The following TSEN2 variants were observed in gnomAD, a reference collection of about 807,000 sequenced individuals.
TSEN2 encodes tRNA-splicing endonuclease subunit Sen2.
In TSEN2, 54 loss-of-function variants were observed where a neutral mutation model predicts 59.2. The observed-to-expected ratio is 0.91, with a 90% CI of 0.73 to 1.14. TSEN2 has a LOEUF of 1.14. Ranked by LOEUF, TSEN2 falls within the 50% of genes most tolerant of loss-of-function variation. TSEN2 has a pLI of 0.00. For synonymous variants in TSEN2, 195 were observed against 198.2 expected (o/e 0.98, Z 0.14); for missense variants, 636 against 576.2 (o/e 1.10, Z -1.06).
chr3:12,519,264 A>T lies in TSEN2; in HGVS notation c.1099+67A>T, dbSNP rs1618545. ...TATCAGATTCACCCTAGAATATCAA[A>T]TTGATCTTGTGTGCTGTTGATGATG... On this transcript the variant is annotated intron_variant, in intron 8 of 11. Coordinates refer to ENST00000284995, the MANE Select transcript of TSEN2 (RefSeq NM_025265.4). The T allele has an allele frequency of 0.46, 736,807 of 1,590,070 alleles. 179,037 individuals carry two copies. The highest frequency in any genetic ancestry group is 0.61 in the African/African-American group (45,215 of 74,404).
chr3:12,491,887 G>C (rs1023297601), intron 2 of TSEN2, among the ~76,000 whole-genome samples: 1 of 152,154 alleles, frequency 6.6e-6, no homozygotes, highest in Non-Finnish European at 1.5e-5. Flanking sequence ...TATTTACATA[G>C]CATTTGCATT....
chr3:12,480,941 A>G (rs2052185736), upstream of TSEN2, among the ~76,000 whole-genome samples: 2 of 152,126 alleles, frequency 1.3e-5, no homozygotes, highest in African/African-American at 4.8e-5. Context: ...CTTCCTAGCA[A>G]TGACACCATG....
chr3:12,524,739 C>CTTTTTT (rs746602626), intron 8 of TSEN2, among the ~76,000 whole-genome samples: 6 of 131,788 alleles, frequency 4.6e-5, no homozygotes, highest in Admixed American at 8.0e-5. Flanking sequence ...TCTTTGGTCT[C>CTTTTTT]TTTTTTTTTT....
At chr3:12,518,595 G>A (rs1211981256) in intron 7 of TSEN2, among the ~76,000 whole-genome samples, 3 of 152,134 alleles carry the variant, frequency 2.0e-5, no homozygotes, top group Non-Finnish European at 2.9e-5. Flanking sequence ...AGATTTTCTG[G>A]TAACCACATT....
intron 8 of TSEN2, among the ~76,000 whole-genome samples, chr3:12,525,175 G>T (rs2056980127): frequency 6.6e-6 from 1 of 152,148 alleles, no homozygotes; most frequent in African/African-American, 2.4e-5. Context: ...TCAAGCTCGG[G>T]TTCTCTTAGC....
chr3:12,528,263 T>C (rs1157888208), intron 8 of TSEN2, among the ~76,000 whole-genome samples: 1 of 152,198 alleles, frequency 6.6e-6, no homozygotes, highest in Non-Finnish European at 1.5e-5. Flanking sequence ...CTCAGTATGA[T>C]TCACACTCAC....
intron 1 of TSEN2, among the ~76,000 whole-genome samples, chr3:12,485,143 C>A (rs527476643): frequency 3.9e-5 from 6 of 152,162 alleles, no homozygotes; most frequent in Non-Finnish European, 7.3e-5. Flanking sequence ...CCTCCCTAAG[C>A]CCAGGAGGTG....
intron 8 of TSEN2, among the ~76,000 whole-genome samples, chr3:12,523,906 A>C (rs775965127): frequency 1.8e-4 from 27 of 151,954 alleles, no homozygotes; most frequent in Non-Finnish European, 3.7e-4. Context: ...TATTTTTGTT[A>C]ATATTCTTCA....
At chr3:12,493,627 T>C (rs1427764393) in intron 3 of TSEN2, among the ~76,000 whole-genome samples, 1 of 152,116 alleles carries the variant, frequency 6.6e-6, no homozygotes, top group Non-Finnish European at 1.5e-5. Flanking sequence ...CTCAGGAGGC[T>C]GAGGCAGGAG....
chr3:12,513,206 G>T (rs1041339993), intron 6 of TSEN2, among the ~76,000 whole-genome samples: 1 of 152,200 alleles, frequency 6.6e-6, no homozygotes, highest in African/African-American at 2.4e-5. Flanking sequence ...TATGCTTGCT[G>T]ATAATGAAAA....
intron 9 of TSEN2, 43 bp downstream of exon 9, chr3:12,528,967 C>T (rs2057287500): frequency 6.2e-7 from 1 of 1,608,000 alleles, no homozygotes; most frequent in Non-Finnish European, 8.5e-7. Context: ...TAAAGGGACA[C>T]AAGGAATTTC....
chr3:12,530,104 C>G, intron 10 of TSEN2: 2 of 1,411,336 alleles, frequency 1.4e-6, no homozygotes, highest in Non-Finnish European at 9.2e-7. Context: ...CTGCTGAGCT[C>G]CAATGACGGA....
intron 6 of TSEN2, among the ~76,000 whole-genome samples, chr3:12,507,815 A>G (rs549273112): frequency 6.6e-6 from 1 of 152,322 alleles, no homozygotes; most frequent in East Asian, 1.9e-4. Flanking sequence ...TATTAAATGA[A>G]TGAATGTACA....
At chr3:12,500,281 G>A (rs751143483) in intron 4 of TSEN2, among the ~76,000 whole-genome samples, 6 of 152,210 alleles carry the variant, frequency 3.9e-5, no homozygotes, top group Admixed American at 3.3e-4. Flanking sequence ...CCCATGTGTC[G>A]TTGTCTTAGT....
At chr3:12,534,756 A>G (rs573159720), downstream of TSEN2, among the ~76,000 whole-genome samples, 2 of 150,618 alleles carry the variant, frequency 1.3e-5, no homozygotes, top group South Asian at 4.2e-4. Flanking sequence ...GTGAGCCGAG[A>G]TCGCGCCACT....
chr3:12,496,672 G>A, intron 4 of TSEN2, 118 bp downstream of exon 4: 1 of 993,064 alleles, frequency 1.0e-6, no homozygotes, highest in Non-Finnish European at 1.6e-6. Context: ...GTTTTTGGTA[G>A]TAGATGTATC....
At chr3:12,490,580 C>T (rs1487641221) in intron 2 of TSEN2, among the ~76,000 whole-genome samples, 1 of 152,176 alleles carries the variant, frequency 6.6e-6, no homozygotes, top group East Asian at 1.9e-4. Flanking sequence ...TTGCTGTGGG[C>T]ATTTTTAAAA....
chr3:12,526,638 G>A (rs1300607680), intron 8 of TSEN2, among the ~76,000 whole-genome samples: 1 of 152,172 alleles, frequency 6.6e-6, no homozygotes, highest in Non-Finnish European at 1.5e-5. Flanking sequence ...TACTAGCATA[G>A]GTAACTTTGT....
At chr3:12,531,476 G>C in intron 10 of TSEN2, 94 bp from the exon 11 acceptor site, 2 of 768,300 alleles carry the variant, frequency 2.6e-6, no homozygotes, top group South Asian at 2.9e-5. Flanking sequence ...TGCACAGTGA[G>C]AGGGACTGGA....
Sources: allele counts gnomAD v4.1 joint callset (sites outside exome capture counted in the v4.1 genomes callset), GRCh38; gene constraint gnomAD v4.1.1; transcripts MANE v1.5; gene names NCBI Gene and HGNC (gene_info 2026-07-23, HGNC 2026-07-21).